GABRA2: variants seen among roughly 807,000 people sequenced by gnomAD.
GABRA2 encodes the protein gamma-aminobutyric acid receptor subunit alpha-2.
In GABRA2, 16 loss-of-function variants were observed where a neutral mutation model predicts 48.7. The ratio of observed to expected loss-of-function variants is 0.33; its 90% CI spans 0.22 to 0.50. The LOEUF is 0.50. Ranked by LOEUF, GABRA2 falls within the 20% of genes least tolerant of loss-of-function variation. The pLI is 0.98. For missense variants in GABRA2, 275 were observed against 535.6 expected (o/e 0.51, Z 4.80); for synonymous variants, 185 against 184.5 (o/e 1.00, Z -0.02).
intron 4 of GABRA2, 121 bp from the exon 5 acceptor site, chr4:46,312,837 T>C (rs1727882478): frequency 1.7e-6 from 1 of 590,660 alleles, no homozygotes; most frequent in Non-Finnish European, 2.9e-6. Context: ...AAGGAAAACA[T>C]TTTTAATCAG....
chr4:46,254,159 A>G (rs1204414060), intron 9 of GABRA2, among the ~76,000 whole-genome samples: 6 of 151,512 alleles, frequency 4.0e-5, no homozygotes, highest in Non-Finnish European at 1.5e-5. Context: ...CCTATTCACT[A>G]TTGACTGCTA....
chr4:46,290,868 T>A (rs1049961971), intron 8 of GABRA2, among the ~76,000 whole-genome samples: 3 of 152,176 alleles, frequency 2.0e-5, no homozygotes, highest in African/African-American at 7.2e-5. Flanking sequence ...CCTTTTGAAA[T>A]ATTACATTAA....
intron 8 of GABRA2, among the ~76,000 whole-genome samples, chr4:46,285,029 A>G (rs1722276933): frequency 5.0e-5 from 2 of 40,170 alleles, no homozygotes; most frequent in African/African-American, 1.1e-4. Flanking sequence ...TCACCCTCAA[A>G]AAAAAAAAAA....
intron 8 of GABRA2, among the ~76,000 whole-genome samples, chr4:46,275,652 G>C (rs116165604): frequency 0.012 from 1,881 of 152,002 alleles, 42 homozygotes; most frequent in African/African-American, 0.043. Flanking sequence ...TATATAAACC[G>C]CCCCAATGTT....
At position 46,244,947 on chromosome 4, in the gene GABRA2, G is replaced by T. The variant is rs1713436626; in HGVS notation, c.*5361C>A. ...AAAACCATGTAATGGCTCCCTTATTGAATGAATATTCCCCAAAAGGCATGA... is the reference window on the plus strand; with the variant it reads ...AAAACCATGTAATGGCTCCCTTATTTAATGAATATTCCCCAAAAGGCATGA... On this transcript the variant is annotated 3_prime_UTR_variant, in exon 10 of 10. Transcript: ENST00000381620. Among the ~76,000 whole-genome samples the T allele has an allele frequency of 6.6e-6, 1 of 151,270 alleles. No homozygotes were observed. The highest frequency in any genetic ancestry group is 1.5e-5 in the Non-Finnish European group (1 of 67,502).
At chr4:46,303,100 A>G (rs1480262673) in intron 8 of GABRA2, 2 of 210,320 alleles carry the variant, frequency 9.5e-6, no homozygotes, top group African/African-American at 4.7e-5. Context: ...TATTGAAAAT[A>G]CATAGTAGGT....
In GABRA2 at chr4:46,387,100, C is replaced by CT. The variant is rs201256364; in HGVS notation, c.72-912dup. Among the ~76,000 whole-genome samples the CT allele has an allele frequency of 9.3e-4, 141 of 151,360 alleles. 1 individual carries two copies. The highest frequency in any genetic ancestry group is 3.1e-3 in the African/African-American group (127 of 41,298). Reference sequence around the variant, plus strand: ...AAAACAGAATGTCCCTTTTCATTGTCTTTTTTTTTCTCAGAATGAATCAGA... The same window carrying CT: ...AAAACAGAATGTCCCTTTTCATTGTCTTTTTTTTTTCTCAGAATGAATCAGA... On this transcript the variant is annotated intron_variant, in intron 2 of 9. Transcript: ENST00000381620.
chr4:46,276,925 G>C (rs1168254986), intron 8 of GABRA2, among the ~76,000 whole-genome samples: 1 of 152,014 alleles, frequency 6.6e-6, no homozygotes, highest in Admixed American at 6.6e-5. Flanking sequence ...AAATTTTAGT[G>C]TAGGAAGTAG....
At chr4:46,363,717 G>A (rs1230843036) in intron 3 of GABRA2, 1 of 151,998 alleles carries the variant, frequency 6.6e-6, no homozygotes, top group African/African-American at 2.4e-5. Context: ...TCTTAAAATG[G>A]TTTTAAAAGG....
At chr4:46,291,798 C>CAT (rs1723712505) in intron 8 of GABRA2, among the ~76,000 whole-genome samples, 1 of 111,038 alleles carries the variant, frequency 9.0e-6, no homozygotes, top group Non-Finnish European at 2.1e-5. Flanking sequence ...TATACATATA[C>CAT]ATATATATGT....
intron 3 of GABRA2, among the ~76,000 whole-genome samples, chr4:46,337,021 T>C (rs1732355340): frequency 6.6e-6 from 1 of 152,102 alleles, no homozygotes; most frequent in Non-Finnish European, 1.5e-5. Context: ...TTTGCAAAAC[T>C]ATGAAAGAAC....
chr4:46,339,280 C>T (rs1732792461), intron 3 of GABRA2, among the ~76,000 whole-genome samples: 1 of 151,596 alleles, frequency 6.6e-6, no homozygotes, highest in Non-Finnish European at 1.5e-5. Context: ...ATATTTTATC[C>T]ATATGTGGCT....
chr4:46,312,460 G>T, intron 5 of GABRA2, 36 bp downstream of exon 5: 2 of 1,405,504 alleles, frequency 1.4e-6, no homozygotes, highest in Non-Finnish European at 2.0e-6. Context: ...AAATTTCTCA[G>T]TATATAAATA....
chr4:46,294,016 G>A (rs144515374), intron 8 of GABRA2, among the ~76,000 whole-genome samples: 1 of 152,312 alleles, frequency 6.6e-6, no homozygotes, highest in African/African-American at 2.4e-5. Flanking sequence ...CATTGACTCA[G>A]CAAATGCCTT....
chr4:46,385,945 T>C, intron 3 of GABRA2, 129 bp downstream of exon 3: 1 of 613,008 alleles, frequency 1.6e-6, no homozygotes, highest in Middle Eastern at 4.2e-4. Context: ...TATATCTTAC[T>C]TTCTATTTTC....
Position 46,389,854 on chromosome 4 carries a change from A to AGAGG in GABRA2, c.-131_-130insCCTC. ...GAGAGAGAGAGAGAGAGAGAGAGAG[A>AGAGG]GAGAGAGACCGAGACTGCAGCAGCC... is the stretch of plus-strand genomic sequence containing the variant. On this transcript the variant is annotated 5_prime_UTR_variant, in exon 1 of 10. Coordinates refer to ENST00000381620, the MANE Select transcript of GABRA2 (RefSeq NM_000807.4). 1.0e-6 allele frequency: 1 copy of AGAGG among 967,580 alleles called. No individual in the cohort carries two copies. The highest frequency in any genetic ancestry group is 1.2e-4 in the East Asian group (1 of 8,388). The allele number at this position is 967,580 out of a possible 1,614,324, so 59.9% of individuals were successfully genotyped here.
At chr4:46,288,319 A>T (rs1450846215) in intron 8 of GABRA2, among the ~76,000 whole-genome samples, 3 of 152,122 alleles carry the variant, frequency 2.0e-5, no homozygotes, top group Non-Finnish European at 4.4e-5. Context: ...GTATCCTGAG[A>T]ATTTGCTGAA....
chr4:46,370,412 C>G (rs1028454778), intron 3 of GABRA2, among the ~76,000 whole-genome samples: 5 of 151,648 alleles, frequency 3.3e-5, no homozygotes, highest in African/African-American at 1.2e-4. Context: ...AACAAACAAA[C>G]AAAAAACCCA....
At chr4:46,375,791 G>A (rs916274818) in intron 3 of GABRA2, among the ~76,000 whole-genome samples, 79 of 152,324 alleles carry the variant, frequency 5.2e-4, no homozygotes, top group Non-Finnish European at 1.5e-4. Flanking sequence ...AAAATATGGT[G>A]TGATATGAAT....
Sources: gnomAD v4.1 joint callset for allele counts (sites outside exome capture counted in the v4.1 genomes callset) on GRCh38, gnomAD v4.1.1 for gene constraint, MANE v1.5 for transcripts, NCBI Gene and HGNC (gene_info 2026-07-23, HGNC 2026-07-21) for gene names.